The following MAGEC3 variants were observed in gnomAD, a reference collection of about 807,000 sequenced individuals.
The protein encoded by MAGEC3 is melanoma-associated antigen C3.
Under a neutral mutation model 35.3 loss-of-function variants are expected in MAGEC3, and 34 were observed. The ratio of observed to expected loss-of-function variants is 0.96; its 90% CI spans 0.73 to 1.28. The LOEUF is 1.28. Ranked by LOEUF, MAGEC3 falls within the 50% of genes most tolerant of loss-of-function variation. The pLI is 0.00. For synonymous variants in MAGEC3, 202 were observed against 185.6 expected (o/e 1.09, Z -0.72); for missense variants, 561 against 483.6 (o/e 1.16, Z -1.50).
At chrX:141,886,183 T>A (rs925327602) in intron 4 of MAGEC3, among the ~76,000 whole-genome samples, 2 of 111,017 alleles carry the variant, frequency 1.8e-5, no homozygotes, top group African/African-American at 6.6e-5. Context: ...AATCACAGTA[T>A]TTCTAGAAGT....
At chrX:141,891,442 C>A (rs2018040234) in intron 4 of MAGEC3, among the ~76,000 whole-genome samples, 1 of 110,343 alleles carries the variant, frequency 9.1e-6, no homozygotes, top group Admixed American at 9.8e-5. Context: ...TTACACTGCT[C>A]CTCTTCCTTT....
At position 141,891,718 on chromosome X, in the gene MAGEC3, T is replaced by TAACA. The variant is rs1343617822; in HGVS notation, c.910-3550_910-3549insACAA. On this transcript the variant is annotated intron_variant, in intron 4 of 7. Transcript: ENST00000298296. ...ATATTTATATATGCATATATAAATA[T>TAACA]ATATATTTATATATGCATATATTTA... Among the ~76,000 whole-genome samples the TAACA allele has an allele frequency of 1.6e-3, 170 of 104,622 alleles. 1 individual carries two copies. The highest frequency in any genetic ancestry group is 4.8e-3 in the Middle Eastern group (1 of 207). The allele number at this position is 104,622 out of a possible 115,157, so 90.9% of individuals were successfully genotyped here.
chrX:141,871,064 A>T (rs1219990295), intron 2 of MAGEC3, among the ~76,000 whole-genome samples: 1 of 112,528 alleles, frequency 8.9e-6, no homozygotes, highest in Non-Finnish European at 1.9e-5. Context: ...AAGATGTTTG[A>T]TTTAAGCACT....
chrX:141,892,584 A>ATGATTATTATTATTTAATAATAG lies in MAGEC3; in HGVS notation c.910-2671_910-2670insTAATAATAGTGATTATTATTATT, dbSNP rs1556436809. Among the ~76,000 whole-genome samples, 57 of 111,244 alleles carry ATGATTATTATTATTTAATAATAG rather than the reference A, an allele frequency of 5.1e-4. No individual in the cohort carries two copies. In the East Asian group the frequency reaches 0.013, roughly 26 times the overall value. On this transcript the variant is annotated intron_variant, in intron 4 of 7. Transcript: ENST00000298296. ...AGGAAATTATTATTATTTAATAATA[A>ATGATTATTATTATTTAATAATAG]TGATTATTATTATTCCCCATAATTG...
chrX:141,861,175 C>T lies in MAGEC3; in HGVS notation c.124-4296C>T, dbSNP rs149881280. ...TGGTATGTCTAAGGCCATCCGAGGA[C>T]GCTAGATACACTGAATTGAAAGGGT... On this transcript the variant is annotated intron_variant, in intron 1 of 7. Transcript: ENST00000298296. Among the ~76,000 whole-genome samples, 156 of 110,164 alleles carry T rather than the reference C, an allele frequency of 1.4e-3. 2 individuals carry two copies. In the East Asian group the frequency reaches 0.021, roughly 15 times the overall value.
At chrX:141,872,884 A>G (rs1328614608) in intron 2 of MAGEC3, among the ~76,000 whole-genome samples, 2 of 111,884 alleles carry the variant, frequency 1.8e-5, no homozygotes, top group Admixed American at 9.4e-5. Flanking sequence ...GTGAAGTGAG[A>G]GAAAAGATGG....
chrX:141,873,398 C>G (rs1243465463), intron 2 of MAGEC3, among the ~76,000 whole-genome samples: 1 of 110,799 alleles, frequency 9.0e-6, no homozygotes, highest in African/African-American at 3.3e-5. Context: ...TTGGCAGTTA[C>G]CTAAGATACT....
At position 141,897,059 on chromosome X, in the gene MAGEC3, G is replaced by T. The variant is rs776780427; in HGVS notation, c.1301G>T (p.Ser434Ile). The change falls in exon 7 of 8, where the codon AGT becomes ATT. Residue 434 changes from serine to isoleucine, a missense_variant. Physicochemically the swap from Ser to Ile is moderately radical, Grantham distance 142. Coordinates refer to ENST00000298296, the MANE Select transcript of MAGEC3 (RefSeq NM_138702.1). Reference sequence around the variant, plus strand: ...ACCCGATTGGATGAGGAGTCCAGCAGTGAAGAGGAGGATACAGCTACTTGG... The same window carrying T: ...ACCCGATTGGATGAGGAGTCCAGCATTGAAGAGGAGGATACAGCTACTTGG... ...LWTRLDEESS[S>I]EEEDTATWHA... is the part of the protein sequence containing the mutation. 72 of 1,209,785 alleles carry T rather than the reference G, an allele frequency of 6.0e-5. No individual in the cohort carries two copies. In the East Asian group the frequency reaches 1.3e-3, roughly 22 times the overall value.
chrX:141,884,626 T>G (rs2017989187), intron 4 of MAGEC3, among the ~76,000 whole-genome samples: 1 of 111,344 alleles, frequency 9.0e-6, no homozygotes, highest in African/African-American at 3.3e-5. Flanking sequence ...CTTAATGTGA[T>G]TAGACCCAAA....
intron 1 of MAGEC3, chrX:141,839,648 T>G: frequency 4.0e-6 from 3 of 747,043 alleles, no homozygotes; most frequent in Non-Finnish European, 4.7e-6. Flanking sequence ...AGATTTTATT[T>G]TATAAATATG....
chrX:141,864,238 G>C (rs1271421691), intron 1 of MAGEC3, among the ~76,000 whole-genome samples: 4 of 106,569 alleles, frequency 3.8e-5, no homozygotes, highest in Non-Finnish European at 7.7e-5. Flanking sequence ...CCAGTGCTCT[G>C]GGTAGCTGAA....
chrX:141,893,719 G>C (rs1301131198), intron 4 of MAGEC3, among the ~76,000 whole-genome samples: 1 of 104,702 alleles, frequency 9.6e-6, no homozygotes, highest in Non-Finnish European at 2.0e-5. Context: ...GGAATTGGGG[G>C]GGGGGGCGTA....
chrX:141,858,732 A>T (rs1243197579), intron 1 of MAGEC3, among the ~76,000 whole-genome samples: 1 of 110,567 alleles, frequency 9.0e-6, no homozygotes, highest in Non-Finnish European at 1.9e-5. Flanking sequence ...ATATTACTGC[A>T]TATTTATTTC....
At chrX:141,883,617 T>C (rs1177869156) in intron 4 of MAGEC3, among the ~76,000 whole-genome samples, 1 of 112,328 alleles carries the variant, frequency 8.9e-6, no homozygotes, top group Non-Finnish European at 1.9e-5. Flanking sequence ...TGTATTGGGA[T>C]TTTAATATAT....
chrX:141,869,900 A>T (rs2017876668), intron 2 of MAGEC3, among the ~76,000 whole-genome samples: 1 of 111,615 alleles, frequency 9.0e-6, no homozygotes, highest in South Asian at 3.7e-4. Context: ...TCCCTAAAAT[A>T]TAACCTATTA....
chrX:141,850,388 A>C (rs776964155), intron 1 of MAGEC3, among the ~76,000 whole-genome samples: 1 of 111,323 alleles, frequency 9.0e-6, no homozygotes, highest in African/African-American at 3.3e-5. Flanking sequence ...TGAAATTTTT[A>C]AAAAAAGGTT....
At position 141,895,252 on chromosome X, in the gene MAGEC3, G is replaced by T. The variant is rs754095811; in HGVS notation, c.910-17G>T. The T allele has an allele frequency of 1.7e-6, 2 of 1,201,676 alleles. No homozygotes were observed. Among genetic ancestry groups the T allele is most frequent in the South Asian group, 3.6e-5 (2 of 56,174 alleles). Reference sequence around the variant, plus strand: ...CCATGGAGAGGAGGCCCCACCCCACGCTGCCTCTGCTGTCAGCCCTGGTCA... The same window carrying T: ...CCATGGAGAGGAGGCCCCACCCCACTCTGCCTCTGCTGTCAGCCCTGGTCA... On this transcript the variant is annotated splice_polypyrimidine_tract_variant and intron_variant, in intron 4 of 7. Transcript: ENST00000298296.
intron 1 of MAGEC3, among the ~76,000 whole-genome samples, chrX:141,846,825 G>A (rs1169531365): frequency 9.0e-6 from 1 of 110,675 alleles, no homozygotes; most frequent in Admixed American, 9.6e-5. Flanking sequence ...ATAAACTACT[G>A]TTGTTGCTAA....
At chrX:141,860,775 G>A (rs2017810571) in intron 1 of MAGEC3, among the ~76,000 whole-genome samples, 1 of 111,816 alleles carries the variant, frequency 8.9e-6, no homozygotes, top group African/African-American at 3.2e-5. Context: ...AAGTAGAATG[G>A]CAAATGACAA....
Sources: gnomAD v4.1 joint callset for allele counts (sites outside exome capture counted in the v4.1 genomes callset) on GRCh38, gnomAD v4.1.1 for gene constraint, MANE v1.5 for transcripts, NCBI Gene and HGNC (gene_info 2026-07-23, HGNC 2026-07-21) for gene names.